TMEM200A: variants seen among roughly 807,000 people sequenced by gnomAD.
The protein encoded by TMEM200A is transmembrane protein 200A, also known as two transmembrane C.
Under a neutral mutation model 24.3 loss-of-function variants are expected in TMEM200A, and 12 were observed. That is an observed-to-expected ratio of 0.49 (90% CI 0.32 to 0.80). The LOEUF (loss-of-function observed/expected upper bound fraction) is 0.80. Among genes scored for constraint, TMEM200A ranks in the 30% least tolerant of loss-of-function variants. The probability of loss-of-function intolerance (pLI) is 0.04; values close to 1 mark genes in which losing one functional copy is unlikely to be tolerated. For missense variants in TMEM200A, 545 were observed against 614.4 expected (o/e 0.89, Z 1.19); for synonymous variants, 224 against 224.4 (o/e 1.00, Z 0.02).
At chr6:130,407,656 T>C (rs976186441) in intron 2 of TMEM200A, among the ~76,000 whole-genome samples, 2 of 152,214 alleles carry the variant, frequency 1.3e-5, no homozygotes, top group Non-Finnish European at 2.9e-5. Flanking sequence ...GCAAGACATG[T>C]AGAGATGAGT....
chr6:130,390,793 G>A (rs926462845), intron 2 of TMEM200A, among the ~76,000 whole-genome samples: 3 of 152,210 alleles, frequency 2.0e-5, no homozygotes, highest in Admixed American at 6.5e-5. Flanking sequence ...TGGTGAGGCT[G>A]CTTTGAATCT....
At chr6:130,383,114 G>C (rs1778639356) in intron 1 of TMEM200A, 3 of 950,778 alleles carry the variant, frequency 3.2e-6, no homozygotes, top group Non-Finnish European at 3.8e-6. Flanking sequence ...ACATTCAATT[G>C]AATTAGGACG....
intron 2 of TMEM200A, among the ~76,000 whole-genome samples, chr6:130,408,140 T>G (rs1779249337): frequency 6.6e-6 from 1 of 152,068 alleles, no homozygotes. Context: ...CACAATACTG[T>G]AGTGGCCCAA....
At chr6:130,413,266 A>G (rs1779372937) in intron 2 of TMEM200A, among the ~76,000 whole-genome samples, 2 of 152,112 alleles carry the variant, frequency 1.3e-5, no homozygotes, top group Admixed American at 6.6e-5. Context: ...TTTTATCTCA[A>G]TTGTGTTGTG....
chr6:130,430,248 T>C (rs566302167), intron 2 of TMEM200A, among the ~76,000 whole-genome samples: 1 of 152,194 alleles, frequency 6.6e-6, no homozygotes, highest in South Asian at 2.1e-4. Context: ...AAGGGAGCTC[T>C]CTAGGATTCC....
intron 1 of TMEM200A, among the ~76,000 whole-genome samples, chr6:130,375,353 A>G (rs1016385337): frequency 6.6e-6 from 1 of 152,202 alleles, no homozygotes; most frequent in Non-Finnish European, 1.5e-5. Flanking sequence ...TAAGACACAT[A>G]AAATCTCTTA....
intron 1 of TMEM200A, among the ~76,000 whole-genome samples, chr6:130,376,218 CATTA>C (rs1323746365): frequency 6.6e-6 from 1 of 152,106 alleles, no homozygotes; most frequent in Non-Finnish European, 1.5e-5. Flanking sequence ...TATAAAATCA[CATTA>C]ATTATTTTCA....
At chr6:130,376,951 CAAT>C (rs1358991244) in intron 1 of TMEM200A, among the ~76,000 whole-genome samples, 1 of 152,096 alleles carries the variant, frequency 6.6e-6, no homozygotes, top group Non-Finnish European at 1.5e-5. Context: ...GAATATAAGA[CAAT>C]AATAACACAA....
chr6:130,408,753 G>T (rs182181373), intron 2 of TMEM200A, among the ~76,000 whole-genome samples: 4 of 152,250 alleles, frequency 2.6e-5, no homozygotes, highest in African/African-American at 9.6e-5. Flanking sequence ...TCAAGTAGTA[G>T]AATGATATGA....
At chr6:130,387,463 G>A (rs1036551884) in intron 2 of TMEM200A, among the ~76,000 whole-genome samples, 15 of 152,044 alleles carry the variant, frequency 9.9e-5, no homozygotes, top group African/African-American at 3.4e-4. Flanking sequence ...AGTTGAGATG[G>A]GGTTTCACCA....
chr6:130,416,963 C>A (rs971867719), intron 2 of TMEM200A, among the ~76,000 whole-genome samples: 2 of 152,156 alleles, frequency 1.3e-5, no homozygotes, highest in African/African-American at 4.8e-5. Flanking sequence ...TCCTTCCCTG[C>A]ACTATCTCAG....
At chr6:130,424,452 C>A (rs1779679143) in intron 2 of TMEM200A, among the ~76,000 whole-genome samples, 2 of 152,078 alleles carry the variant, frequency 1.3e-5, no homozygotes, top group Non-Finnish European at 2.9e-5. Flanking sequence ...TACTTTCCCC[C>A]AAAGTCTCCA....
At chr6:130,437,805 A>G (rs1780058248) in intron 2 of TMEM200A, 2 of 151,820 alleles carry the variant, frequency 1.3e-5, no homozygotes, top group African/African-American at 4.8e-5. Context: ...TCTCTTTTTC[A>G]CCTTTCTGTC....
chr6:130,433,563 GA>G (rs1779930988), intron 2 of TMEM200A, among the ~76,000 whole-genome samples: 1 of 152,130 alleles, frequency 6.6e-6, no homozygotes. Context: ...CTAAAAGTTT[GA>G]AATGTCTCAA....
At chr6:130,384,476 G>T (rs1409449384) in intron 1 of TMEM200A, among the ~76,000 whole-genome samples, 2 of 152,006 alleles carry the variant, frequency 1.3e-5, no homozygotes, top group Non-Finnish European at 2.9e-5. Context: ...CACACCCAGT[G>T]AATTTTTTAA....
chr6:130,420,942 G>T (rs1325203099), intron 2 of TMEM200A, among the ~76,000 whole-genome samples: 1 of 152,086 alleles, frequency 6.6e-6, no homozygotes, highest in Admixed American at 6.6e-5. Context: ...TAGAGGACAT[G>T]CTGGAGACTG....
intron 2 of TMEM200A, among the ~76,000 whole-genome samples, chr6:130,387,099 A>T (rs1480386565): frequency 6.6e-6 from 1 of 152,188 alleles, no homozygotes; most frequent in Admixed American, 6.5e-5. Context: ...CCATTTTGTG[A>T]CAATATGTGT....
intron 1 of TMEM200A, among the ~76,000 whole-genome samples, chr6:130,377,866 G>A (rs997957359): frequency 6.6e-6 from 1 of 152,142 alleles, no homozygotes; most frequent in Non-Finnish European, 1.5e-5. Context: ...CAGAGCCCAG[G>A]GACTAAGAGC....
chr6:130,411,604 T>A (rs1779331706), intron 2 of TMEM200A, among the ~76,000 whole-genome samples: 1 of 152,198 alleles, frequency 6.6e-6, no homozygotes, highest in African/African-American at 2.4e-5. Context: ...TTACTCTGCT[T>A]CAATCTGGAA....
Sources: gnomAD v4.1 joint callset for allele counts (sites outside exome capture counted in the v4.1 genomes callset) on GRCh38, gnomAD v4.1.1 for gene constraint, MANE v1.5 for transcripts, NCBI Gene and HGNC (gene_info 2026-07-23, HGNC 2026-07-21) for gene names.